The following WDR45B variants were observed in gnomAD, a reference collection of about 807,000 sequenced individuals.
WDR45B encodes the protein WD repeat domain 45B, also known as WD repeat domain phosphoinositide-interacting protein 3.
WDR45B carries 20 observed loss-of-function variants against 44.6 expected under a neutral mutation model. The observed-to-expected ratio is 0.45, with a 90% CI of 0.32 to 0.65. The LOEUF (loss-of-function observed/expected upper bound fraction) is 0.65, where lower values mean the gene tolerates loss of function less well. Ranked by LOEUF, WDR45B falls within the 30% of genes least tolerant of loss-of-function variation. The probability of loss-of-function intolerance (pLI) is 0.05; values close to 1 mark genes in which losing one functional copy is unlikely to be tolerated. For missense variants in WDR45B, 323 were observed against 430.2 expected (o/e 0.75, Z 2.20); for synonymous variants, 169 against 164.9 (o/e 1.02, Z -0.19).
chr17:82,647,848 C>A (rs2046000096), intron 1 of WDR45B, among the ~76,000 whole-genome samples: 1 of 151,778 alleles, frequency 6.6e-6, no homozygotes, highest in Non-Finnish European at 1.5e-5. Flanking sequence ...GGGTTCTGGG[C>A]AGGGCGTCAA....
rs1474017887 is a variant in WDR45B, at chr17:82,614,996, G to A, written c.*923C>T. The stretch of plus-strand genomic sequence containing the variant: ...CCTGGGGGCTCGGAGGCCAGACCAG[G>A]GCATTTCCCTCCACACCAGCGGGAA... On this transcript the variant is annotated 3_prime_UTR_variant, in exon 10 of 10. Coordinates refer to ENST00000392325, the MANE Select transcript of WDR45B (RefSeq NM_019613.4). The A allele has an allele frequency of 2.0e-5, 3 of 152,090 alleles. No homozygotes were observed. 9.4% of individuals were successfully genotyped at this position (152,090 alleles called of 1,614,324 possible). A position where few individuals can be genotyped will look rare whatever the true frequency, so the allele number is the denominator to read the frequency against.
rs181935097 is a variant in WDR45B, at chr17:82,638,140, G to T, written c.142+5809C>A. Among the ~76,000 whole-genome samples the T allele has an allele frequency of 1.1e-3, 156 of 142,672 alleles. 3 individuals carry two copies. The East Asian group carries it at 0.028, about 26-fold the overall frequency. 93.6% of individuals were successfully genotyped at this position (142,672 alleles called of 152,430 possible). On this transcript the variant is annotated intron_variant, in intron 2 of 9. Coordinates refer to ENST00000392325, the MANE Select transcript of WDR45B (RefSeq NM_019613.4). ...GGTGGAGGTTGCAGTGAGCCAAGAT[G>T]GAGCCACTGCACTCCAGCCTGGGAG...
chr17:82,629,333 C>A (rs1198378893), intron 3 of WDR45B, among the ~76,000 whole-genome samples: 1 of 152,314 alleles, frequency 6.6e-6, no homozygotes, highest in South Asian at 2.1e-4. Context: ...GACCAATTCA[C>A]CAGCAGGATT....
At chr17:82,632,952 T>G (rs2045786664) in intron 2 of WDR45B, among the ~76,000 whole-genome samples, 1 of 152,116 alleles carries the variant, frequency 6.6e-6, no homozygotes, top group Admixed American at 6.6e-5. Context: ...GTGGATTACT[T>G]GAGGTCAGGA....
rs142856165 is a variant in WDR45B at position 82,625,869 on chromosome 17, C to T, written c.333-386G>A. 1.4e-3 allele frequency: 389 copies of T among 279,702 alleles called. 1 individual carries two copies. The highest frequency in any genetic ancestry group is 7.9e-3 in the African/African-American group (358 of 45,282). 17.3% of individuals were successfully genotyped at this position (279,702 alleles called of 1,614,324 possible). On this transcript the variant is annotated intron_variant, in intron 4 of 9. Coordinates refer to ENST00000392325, the MANE Select transcript of WDR45B (RefSeq NM_019613.4). The stretch of plus-strand genomic sequence containing the variant: ...TAGAATATCCTCGATCTGGCTCAAG[C>T]GTTTGCATTATTATTATTATTACTT...
intron 2 of WDR45B, among the ~76,000 whole-genome samples, chr17:82,631,691 T>C (rs1052310659): frequency 4.6e-5 from 7 of 150,880 alleles, no homozygotes; most frequent in Admixed American, 2.7e-4. Flanking sequence ...TTCTCTCAGT[T>C]TACTGTCATC....
Position 82,622,371 on chromosome 17 carries a change from T to C in WDR45B, c.428-572A>G, listed in dbSNP as rs138475949. The stretch of plus-strand genomic sequence containing the variant: ...ACAGCTAACCTCTCAGAAAGGGTTC[T>C]TGAAGAAAGACAAGCTGATACTAAG... On this transcript the variant is annotated intron_variant, in intron 5 of 9. Coordinates refer to ENST00000392325, the MANE Select transcript of WDR45B (RefSeq NM_019613.4). Among the ~76,000 whole-genome samples, 246 of 152,284 alleles carry C rather than the reference T, an allele frequency of 1.6e-3. No individual in the cohort carries two copies. In the Middle Eastern group the frequency reaches 0.02, roughly 13 times the overall value.
intron 2 of WDR45B, 69 bp from the exon 3 acceptor site, chr17:82,631,091 G>C: frequency 6.7e-7 from 1 of 1,501,192 alleles, no homozygotes; most frequent in South Asian, 1.1e-5. Context: ...AAAAAGAAAA[G>C]AGAAAGTCAA....
chr17:82,631,185 C>T (rs1324988625), intron 2 of WDR45B, among the ~76,000 whole-genome samples, 163 bp from the exon 3 acceptor site: 1 of 151,756 alleles, frequency 6.6e-6, no homozygotes, highest in Non-Finnish European at 1.5e-5. Flanking sequence ...TAGCTATTCA[C>T]AGGTACAATC....
chr17:82,620,917 G>C (rs2045606587), intron 6 of WDR45B, among the ~76,000 whole-genome samples: 1 of 152,146 alleles, frequency 6.6e-6, no homozygotes, highest in Non-Finnish European at 1.5e-5. Context: ...AGGTAAAAAA[G>C]GGTTTTGAGC....
chr17:82,643,510 G>A (rs920518938), intron 2 of WDR45B, among the ~76,000 whole-genome samples: 1 of 151,948 alleles, frequency 6.6e-6, no homozygotes, highest in Non-Finnish European at 1.5e-5. Context: ...CCTGGTAAAG[G>A]GCAGAACCAG....
At chr17:82,646,502 A>AAAAAAAAAAAAAAAAAG (rs2045978380) in intron 1 of WDR45B, among the ~76,000 whole-genome samples, 1 of 147,342 alleles carries the variant, frequency 6.8e-6, no homozygotes, top group Non-Finnish European at 1.5e-5. Context: ...AAAAAAAAAA[A>AAAAAAAAAAAAAAAAAG]AAAAAAAAAA....
chr17:82,640,845 C>T (rs2045905110), intron 2 of WDR45B, among the ~76,000 whole-genome samples: 2 of 152,174 alleles, frequency 1.3e-5, no homozygotes, highest in Non-Finnish European at 2.9e-5. Flanking sequence ...AGCTCAGGGA[C>T]AGCCTGCCCC....
intron 5 of WDR45B, among the ~76,000 whole-genome samples, chr17:82,622,613 T>C (rs572877490): frequency 5.4e-4 from 82 of 152,236 alleles, no homozygotes; most frequent in Admixed American, 2.2e-3. Flanking sequence ...TTTGTATTTT[T>C]AGTAGAGATG....
chr17:82,642,025 G>T (rs1259189423), intron 2 of WDR45B, among the ~76,000 whole-genome samples: 2 of 152,146 alleles, frequency 1.3e-5, no homozygotes, highest in Non-Finnish European at 2.9e-5. Context: ...CAAGAGGTCA[G>T]CTGAACACAT....
At chr17:82,639,122 C>T (rs1488998293) in intron 2 of WDR45B, among the ~76,000 whole-genome samples, 3 of 152,132 alleles carry the variant, frequency 2.0e-5, no homozygotes, top group Non-Finnish European at 2.9e-5. Flanking sequence ...TGCCTGGCCA[C>T]GTATGTTCTA....
rs200777817 is a variant in WDR45B, at chr17:82,648,307, C to A, written c.34G>T (p.Gly12Trp). ...NLLPCNPHGN[G>W]LLYAGFNQDH... ...TGGTTGAAGCCGGCGTAGAGCAGCC[C>A]GTTGCCGTGAGGGTTACACGGCAGG... The change falls in exon 1 of 10, where the codon GGG (glycine) becomes TGG (tryptophan). Residue 12 changes from glycine to tryptophan, a missense_variant. Gly to Trp is a radical substitution (Grantham distance 184). Coordinates refer to ENST00000392325, the MANE Select transcript of WDR45B (RefSeq NM_019613.4). The A allele has an allele frequency of 9.5e-5, 153 of 1,606,916 alleles. No individual in the cohort carries two copies. Among genetic ancestry groups the A allele is most frequent in the Non-Finnish European group, 1.2e-4 (146 of 1,178,120 alleles).
At chr17:82,622,105 C>T (rs537403980) in intron 5 of WDR45B, among the ~76,000 whole-genome samples, 11 of 152,056 alleles carry the variant, frequency 7.2e-5, no homozygotes, top group Admixed American at 1.3e-4. Context: ...ACTGTCCGTC[C>T]GTCAGGGTAC....
At chr17:82,624,624 G>T (rs977687249) in intron 5 of WDR45B, among the ~76,000 whole-genome samples, 1 of 143,674 alleles carries the variant, frequency 7.0e-6, no homozygotes, top group Non-Finnish European at 1.5e-5. Context: ...ATTTATTGAA[G>T]TTTTTTTTTT....
Sources: gnomAD v4.1 joint callset for allele counts (sites outside exome capture counted in the v4.1 genomes callset) on GRCh38, gnomAD v4.1.1 for gene constraint, MANE v1.5 for transcripts, NCBI Gene and HGNC (gene_info 2026-07-23, HGNC 2026-07-21) for gene names.